The following IL1RAPL1 variants were observed in gnomAD, a reference collection of about 807,000 sequenced individuals.
IL1RAPL1 encodes the protein interleukin 1 receptor accessory protein like 1.
IL1RAPL1 carries 3 observed loss-of-function variants against 48.4 expected under a neutral mutation model. That is an observed-to-expected ratio of 0.06 (90% confidence interval 0.03 to 0.16). The LOEUF (loss-of-function observed/expected upper bound fraction) is 0.16, where lower values mean the gene tolerates loss of function less well. IL1RAPL1 is among the 10% of genes least tolerant of loss of function. The pLI, the probability that IL1RAPL1 is intolerant of heterozygous loss-of-function variation, is 1.00. For synonymous variants in IL1RAPL1, 185 were observed against 187.7 expected (o/e 0.99, Z 0.12); for missense variants, 349 against 530.6 (o/e 0.66, Z 3.36).
chrX:28,790,883 G>A (rs1156985370), intron 2 of IL1RAPL1, among the ~76,000 whole-genome samples: 3 of 111,384 alleles, frequency 2.7e-5, no homozygotes, highest in African/African-American at 6.5e-5. Flanking sequence ...AAATAGTGAT[G>A]AAAGCTGATA....
chrX:28,901,758 A>T (rs1220458233), intron 2 of IL1RAPL1, among the ~76,000 whole-genome samples: 4 of 111,999 alleles, frequency 3.6e-5, no homozygotes, highest in Non-Finnish European at 7.5e-5. Context: ...CATTTGCGGT[A>T]TTCTCCATGA....
At chrX:29,056,730 A>G (rs1408219014) in intron 2 of IL1RAPL1, among the ~76,000 whole-genome samples, 5 of 111,679 alleles carry the variant, frequency 4.5e-5, no homozygotes, top group South Asian at 3.8e-4. Flanking sequence ...CTATCGACCT[A>G]TCCCCTAGGT....
intron 2 of IL1RAPL1, among the ~76,000 whole-genome samples, chrX:28,805,923 C>G (rs889291591): frequency 9.1e-6 from 1 of 109,741 alleles, no homozygotes; most frequent in African/African-American, 3.3e-5. Context: ...ATAATCAGTA[C>G]TCAGTACATC....
intron 6 of IL1RAPL1, among the ~76,000 whole-genome samples, chrX:29,878,462 A>C (rs1000716093): frequency 9.0e-6 from 1 of 111,699 alleles, no homozygotes; most frequent in African/African-American, 3.2e-5. Context: ...TGCAAAACAG[A>C]ATTTGAGACA....
At chrX:29,566,214 C>T (rs1602300813) in intron 5 of IL1RAPL1, among the ~76,000 whole-genome samples, 1 of 111,794 alleles carries the variant, frequency 8.9e-6, no homozygotes, top group Non-Finnish European at 1.9e-5. Context: ...GCTGGGATTA[C>T]AGGTGCGAGC....
intron 2 of IL1RAPL1, among the ~76,000 whole-genome samples, chrX:29,085,491 T>C (rs1927933356): frequency 8.9e-6 from 1 of 111,948 alleles, no homozygotes; most frequent in African/African-American, 3.2e-5. Context: ...GTATATGCTA[T>C]TATTGGTCCC....
intron 2 of IL1RAPL1, among the ~76,000 whole-genome samples, chrX:29,210,789 C>T (rs905717624): frequency 8.9e-5 from 10 of 111,784 alleles, no homozygotes; most frequent in Non-Finnish European, 1.7e-4. Flanking sequence ...AGTAAATATG[C>T]ACCAACTAAC....
At chrX:29,952,132 C>A (rs1933331260) in intron 9 of IL1RAPL1, among the ~76,000 whole-genome samples, 1 of 111,734 alleles carries the variant, frequency 8.9e-6, no homozygotes, top group East Asian at 2.8e-4. Context: ...TACATCTCGT[C>A]TGATTTCTGA....
intron 6 of IL1RAPL1, among the ~76,000 whole-genome samples, chrX:29,810,095 TAA>T (rs1264494216): frequency 1.8e-5 from 2 of 111,836 alleles, no homozygotes; most frequent in Non-Finnish European, 3.8e-5. Flanking sequence ...TCTCTTATTT[TAA>T]AAGTTTTCTC....
intron 5 of IL1RAPL1, among the ~76,000 whole-genome samples, chrX:29,576,948 G>C (rs1004102061): frequency 6.3e-5 from 7 of 111,215 alleles, no homozygotes; most frequent in African/African-American, 2.3e-4. Context: ...CAGTGCTTTA[G>C]TTTAGAAAAA....
rs1024948548 is a variant in IL1RAPL1, at chrX:29,929,380, C to T, written c.1057+9286C>T. ...GTTTTATCATTTGTAAACTAATTGC[C>T]CCTAGCCGCACTGTGGGAATCTTGA... On this transcript the variant is annotated intron_variant, in intron 8 of 10. Coordinates refer to ENST00000378993, the MANE Select transcript of IL1RAPL1 (RefSeq NM_014271.4). 2.8e-4 allele frequency among the ~76,000 whole-genome samples: 31 copies of T among 111,416 alleles called. No homozygotes were observed. The Admixed American group carries it at 3.0e-3, about 11-fold the overall frequency.
chrX:28,751,720 C>A lies in IL1RAPL1; in HGVS notation c.-24-37600C>A, dbSNP rs542600385. Among the ~76,000 whole-genome samples, 131 of 112,161 alleles carry A rather than the reference C, an allele frequency of 1.2e-3. 1 individual carries two copies. Among genetic ancestry groups the A allele is most frequent in the African/African-American group, 4.2e-3 (130 of 30,945 alleles). ...TGCAAAACCAGTTTTGAGTAACTAT[C>A]TTTGACAAATAAATGAAAGAATAAG... On this transcript the variant is annotated intron_variant, in intron 1 of 10. Transcript: ENST00000378993.
chrX:28,860,421 G>A (rs1429049270), intron 2 of IL1RAPL1, among the ~76,000 whole-genome samples: 1 of 108,904 alleles, frequency 9.2e-6, no homozygotes, highest in Non-Finnish European at 1.9e-5. Context: ...GTTATTTTAG[G>A]AGATAATATA....
intron 5 of IL1RAPL1, among the ~76,000 whole-genome samples, chrX:29,430,139 C>CTT (rs1556011447): frequency 9.3e-6 from 1 of 107,671 alleles, no homozygotes; most frequent in East Asian, 2.9e-4. Flanking sequence ...CTCTCTCTCT[C>CTT]CCCCAACGTG....
chrX:29,714,114 G>A (rs749394450), intron 6 of IL1RAPL1, among the ~76,000 whole-genome samples: 1 of 111,993 alleles, frequency 8.9e-6, no homozygotes, highest in African/African-American at 3.2e-5. Context: ...ATCAGCTACA[G>A]AACAGACTGA....
At chrX:29,015,855 C>T (rs1160824163) in intron 2 of IL1RAPL1, among the ~76,000 whole-genome samples, 1 of 110,411 alleles carries the variant, frequency 9.1e-6, no homozygotes. Flanking sequence ...TGTACTTTTA[C>T]AATTCCTTAA....
At chrX:29,441,740 T>C (rs1934549823) in intron 5 of IL1RAPL1, among the ~76,000 whole-genome samples, 1 of 112,274 alleles carries the variant, frequency 8.9e-6, no homozygotes, top group African/African-American at 3.2e-5. Flanking sequence ...GGTGTGAGAA[T>C]GGAAAGACTC....
At chrX:28,901,289 ATTAAAT>A (rs1201008541) in intron 2 of IL1RAPL1, among the ~76,000 whole-genome samples, 1 of 112,280 alleles carries the variant, frequency 8.9e-6, no homozygotes, top group Non-Finnish European at 1.9e-5. Context: ...TTTTAATAAA[ATTAAAT>A]TTAACTCCCT....
chrX:29,064,263 C>T (rs777035230), intron 2 of IL1RAPL1, among the ~76,000 whole-genome samples: 4 of 112,149 alleles, frequency 3.6e-5, no homozygotes, highest in Non-Finnish European at 7.5e-5. Context: ...CAAGGAAATA[C>T]CAAGATGAAG....
Sources: gnomAD v4.1 joint callset for allele counts (sites outside exome capture counted in the v4.1 genomes callset) on GRCh38, gnomAD v4.1.1 for gene constraint, MANE v1.5 for transcripts, NCBI Gene and HGNC (gene_info 2026-07-23, HGNC 2026-07-21) for gene names.